The following RGS6 variants were observed in gnomAD, a reference collection of about 807,000 sequenced individuals.
RGS6 encodes regulator of G protein signaling 6.
A neutral mutation model predicts 78.5 loss-of-function variants in RGS6; 30 were observed. That is an observed-to-expected ratio of 0.38 (90% CI 0.29 to 0.52). RGS6 has a LOEUF of 0.52. Among genes scored for constraint, RGS6 ranks in the 20% least tolerant of loss-of-function variants. RGS6 has a pLI of 0.85. For missense variants in RGS6, 495 were observed against 609.7 expected (o/e 0.81, Z 1.98); for synonymous variants, 206 against 206.0 (o/e 1.00, Z 0.00).
At chr14:72,348,967 C>A (rs1415039007) in intron 2 of RGS6, among the ~76,000 whole-genome samples, 2 of 151,982 alleles carry the variant, frequency 1.3e-5, no homozygotes, top group Non-Finnish European at 2.9e-5. Context: ...GAGATCGAGA[C>A]CATCCTGGCT....
chr14:72,479,871 A>G (rs1433100310), intron 12 of RGS6, among the ~76,000 whole-genome samples: 1 of 152,158 alleles, frequency 6.6e-6, no homozygotes, highest in Non-Finnish European at 1.5e-5. Context: ...TGAACTAGGG[A>G]CAGAAATGGC....
chr14:72,365,764 TTAAA>T (rs778608574), intron 3 of RGS6, among the ~76,000 whole-genome samples: 2 of 152,106 alleles, frequency 1.3e-5, no homozygotes, highest in Non-Finnish European at 2.9e-5. Context: ...GTTAATAAAT[TTAAA>T]TAAATACATT....
intron 2 of RGS6, among the ~76,000 whole-genome samples, chr14:72,098,719 G>A (rs562607917): frequency 1.2e-4 from 18 of 152,312 alleles, no homozygotes; most frequent in African/African-American, 4.3e-4. Flanking sequence ...TTCTAACCAA[G>A]CAGTAACTAT....
At chr14:71,944,991 C>T (rs998557081) in intron 1 of RGS6, among the ~76,000 whole-genome samples, 14 of 152,160 alleles carry the variant, frequency 9.2e-5, no homozygotes, top group Non-Finnish European at 1.6e-4. Context: ...GGAAAAGATA[C>T]AGTAACAATA....
At chr14:72,382,054 G>A (rs960878941) in intron 3 of RGS6, among the ~76,000 whole-genome samples, 2 of 151,884 alleles carry the variant, frequency 1.3e-5, no homozygotes, top group African/African-American at 2.4e-5. Context: ...CTTCTGCATA[G>A]CTTTTTAAGT....
chr14:72,552,920 A>T (rs2097526888), intron 17 of RGS6: 1 of 152,194 alleles, frequency 6.6e-6, no homozygotes, highest in South Asian at 2.1e-4. Flanking sequence ...TATTTGTCAG[A>T]GTGGCATCTT....
chr14:72,250,762 G>A (rs1288891248), intron 2 of RGS6, among the ~76,000 whole-genome samples: 1 of 152,008 alleles, frequency 6.6e-6, no homozygotes, highest in Non-Finnish European at 1.5e-5. Flanking sequence ...GGTCAAATAC[G>A]TGAGCAGATG....
chr14:72,596,439 C>T, the RGS6 span, among the ~76,000 whole-genome samples: 18 of 152,278 alleles, frequency 1.2e-4, no homozygotes, highest in East Asian at 2.7e-3. Flanking sequence ...CCTTAATTTC[C>T]CCCTCATCAT....
intron 2 of RGS6, among the ~76,000 whole-genome samples, chr14:72,347,593 C>T (rs945490517): frequency 1.3e-5 from 2 of 152,178 alleles, no homozygotes; most frequent in Admixed American, 6.5e-5. Context: ...AATAATCTAC[C>T]TCCTGTGAGA....
chr14:72,553,092 ATGT>A (rs141875124), intron 17 of RGS6, among the ~76,000 whole-genome samples: 1 of 152,276 alleles, frequency 6.6e-6, no homozygotes, highest in East Asian at 1.9e-4. Flanking sequence ...CGCCTGCCTG[ATGT>A]TCGCCTCTGT....
intron 3 of RGS6, among the ~76,000 whole-genome samples, chr14:72,390,580 C>T: frequency 6.6e-6 from 1 of 151,336 alleles, no homozygotes. Context: ...TTTTGGGATA[C>T]TTTCACACAC....
the RGS6 span, among the ~76,000 whole-genome samples, chr14:71,919,966 C>A: frequency 4.6e-5 from 7 of 151,988 alleles, no homozygotes; most frequent in Non-Finnish European, 7.4e-5. Flanking sequence ...TGCATTCCAG[C>A]CTGGGTAACA....
intron 2 of RGS6, among the ~76,000 whole-genome samples, chr14:71,983,901 C>T (rs10137909): frequency 0.47 from 72,193 of 152,054 alleles, 17,361 homozygotes; most frequent in East Asian, 0.54. Flanking sequence ...TTAGTGCTCT[C>T]TGCAAAGATC....
the RGS6 span, among the ~76,000 whole-genome samples, chr14:71,900,372 C>T: frequency 6.6e-6 from 1 of 152,182 alleles, no homozygotes; most frequent in Non-Finnish European, 1.5e-5. Flanking sequence ...TCTTGAGATG[C>T]CATTTTCCTG....
intron 2 of RGS6, among the ~76,000 whole-genome samples, chr14:72,211,402 C>A (rs2044112797): frequency 6.6e-6 from 1 of 152,118 alleles, no homozygotes; most frequent in African/African-American, 2.4e-5. Context: ...AGAAGTCAAA[C>A]TGGTAGGTTG....
chr14:71,910,211 C>T, the RGS6 span, among the ~76,000 whole-genome samples: 1 of 138,560 alleles, frequency 7.2e-6, no homozygotes, highest in South Asian at 2.4e-4. Context: ...AAAAACAAAA[C>T]AAAACAAAAC....
rs368508590 is a variant in RGS6 at position 72,431,131 on chromosome 14, C to T, written c.185-23397C>T. Among the ~76,000 whole-genome samples the T allele has an allele frequency of 3.3e-5, 5 of 152,266 alleles. No homozygotes were observed. In the East Asian group the frequency reaches 9.6e-4, roughly 29 times the overall value. On this transcript the variant is annotated intron_variant, in intron 3 of 17. Transcript: ENST00000553525. ...AAAGTCCATATGTACTAGGATCTTA[C>T]AGTACACTTGGAAACAACAAGGAAT...
intron 2 of RGS6, among the ~76,000 whole-genome samples, chr14:72,076,355 A>G (rs1176669120): frequency 6.6e-6 from 1 of 152,140 alleles, no homozygotes; most frequent in Non-Finnish European, 1.5e-5. Context: ...ATAGTTTTTA[A>G]TAGATAGCAT....
the RGS6 span, among the ~76,000 whole-genome samples, chr14:71,903,336 T>C: frequency 6.6e-6 from 1 of 152,264 alleles, no homozygotes; most frequent in Non-Finnish European, 1.5e-5. Context: ...CACAGTACTC[T>C]GCACATGGTA....
Sources: allele counts gnomAD v4.1 joint callset (sites outside exome capture counted in the v4.1 genomes callset), GRCh38; gene constraint gnomAD v4.1.1; transcripts MANE v1.5; gene names NCBI Gene and HGNC (gene_info 2026-07-23, HGNC 2026-07-21).